DOCK8: variants seen among roughly 807,000 people sequenced by gnomAD.
The protein encoded by DOCK8 is dedicator of cytokinesis protein 8.
DOCK8 carries 141 observed loss-of-function variants against 245.6 expected under a neutral mutation model. The ratio of observed to expected loss-of-function variants is 0.57; its 90% CI spans 0.50 to 0.66. DOCK8 has a LOEUF of 0.66. DOCK8 is among the 30% of genes least tolerant of loss of function. The pLI is 0.00. For missense variants in DOCK8, 2,965 were observed against 2,603.4 expected (o/e 1.14, Z -3.02); for synonymous variants, 1,168 against 970.2 (o/e 1.20, Z -3.79).
chr9:451,031 C>T (rs559345715), intron 45 of DOCK8, among the ~76,000 whole-genome samples: 6 of 151,988 alleles, frequency 3.9e-5, no homozygotes, highest in South Asian at 2.1e-4. Context: ...TAATATTCGG[C>T]GCCAGGCTCA....
intron 1 of DOCK8, among the ~76,000 whole-genome samples, chr9:224,231 AT>A (rs1563819884): frequency 6.6e-6 from 1 of 152,164 alleles, no homozygotes; most frequent in Admixed American, 6.5e-5. Context: ...CCACTTACTC[AT>A]TTCCTGAAAT....
At chr9:214,315 G>A, upstream of DOCK8, 1 of 590,942 alleles carries the variant, frequency 1.7e-6, no homozygotes, top group South Asian at 2.2e-5. Context: ...AGGTTGTGAC[G>A]AAAACATTTT....
chr9:434,828 G>C lies in DOCK8; in HGVS notation c.4932G>C (p.Trp1644Cys). 1 of 1,614,138 alleles carries C rather than the reference G, an allele frequency of 6.2e-7. No individual in the cohort carries two copies. Among genetic ancestry groups the C allele is most frequent in the Non-Finnish European group, 8.5e-7 (1 of 1,180,048 alleles). The change falls in exon 39 of 48, where the codon TGG (tryptophan) becomes TGC (cysteine). Residue 1644 changes from tryptophan to cysteine, a missense_variant. By Grantham distance (215) the Trp-to-Cys change is radical. Around this residue, in one of 3 missense-constraint regions of DOCK8, gnomAD observed 2,825 missense variants for 2,453.5 expected, o/e 1.15. Transcript: ENST00000432829. Reference sequence around the variant, plus strand: ...CATCTCCTGATCTGCGGCTGACCTGGCTCCAGAACATGGCAGAGAAACACA... The same window carrying C: ...CATCTCCTGATCTGCGGCTGACCTGCCTCCAGAACATGGCAGAGAAACACA... The part of the protein sequence containing the change: ...YQASPDLRLT[W>C]LQNMAEKHTK...
chr9:372,224 T>A lies in DOCK8; in HGVS notation c.2047T>A (p.Ser683Thr). 6.2e-7 allele frequency: 1 copy of A among 1,614,188 alleles called. No homozygotes were observed. The highest frequency in any genetic ancestry group is 8.5e-7 in the Non-Finnish European group (1 of 1,180,028). Residue 683 changes from serine (S) to threonine (T), a missense_variant, in exon 18 of 48, where the codon TCC becomes ACC. Around this residue, in one of 3 missense-constraint regions of DOCK8, gnomAD observed 2,825 missense variants for 2,453.5 expected, o/e 1.15. Transcript: ENST00000432829. ...CTTAAATGAACGTCTTCAAACTGGA[T>A]CCTACTGTCTCCCAGTTGCCTTGGA... is the stretch of plus-strand genomic sequence containing the variant. ...ILLNERLQTG[S>T]YCLPVALEKL...
At chr9:233,615 C>G (rs1166677422) in intron 1 of DOCK8, among the ~76,000 whole-genome samples, 1 of 152,052 alleles carries the variant, frequency 6.6e-6, no homozygotes, top group African/African-American at 2.4e-5. Flanking sequence ...GGATAGTTAG[C>G]TCTTCTTGTT....
chr9:438,295 G>A (rs4740757), intron 39 of DOCK8, among the ~76,000 whole-genome samples: 88,975 of 151,720 alleles, frequency 0.59, 29,145 homozygotes, highest in East Asian at 0.95. Flanking sequence ...TCGAGACTAT[G>A]TCCAAGCTCT....
chr9:333,757 A>G (rs963022409), intron 10 of DOCK8, among the ~76,000 whole-genome samples: 1 of 152,036 alleles, frequency 6.6e-6, no homozygotes, highest in Non-Finnish European at 1.5e-5. Flanking sequence ...CCTTGGAAGT[A>G]TTGTAAACTT....
At chr9:423,151 G>A (rs1311016019) in intron 33 of DOCK8, among the ~76,000 whole-genome samples, 3 of 152,034 alleles carry the variant, frequency 2.0e-5, no homozygotes, top group African/African-American at 7.2e-5. Flanking sequence ...GTTTCCTACA[G>A]TAGATGTGTA....
chr9:264,168 G>C (rs151049363), intron 1 of DOCK8, among the ~76,000 whole-genome samples: 1 of 152,330 alleles, frequency 6.6e-6, no homozygotes, highest in Non-Finnish European at 1.5e-5. Flanking sequence ...AGGTGATTAT[G>C]CTGCTTCATC....
At chr9:256,603 G>C (rs1233725450) in intron 1 of DOCK8, among the ~76,000 whole-genome samples, 1 of 152,102 alleles carries the variant, frequency 6.6e-6, no homozygotes, top group East Asian at 1.9e-4. Flanking sequence ...GGTGGGGTCT[G>C]GGTACTTTTC....
chr9:328,154 A>G lies in DOCK8; in HGVS notation c.1027A>G (p.Ile343Val), dbSNP rs143696910. 1.4e-5 allele frequency: 23 copies of G among 1,614,068 alleles called. No homozygotes were observed. Among genetic ancestry groups the G allele is most frequent in the African/African-American group, 5.3e-5 (4 of 75,068 alleles). Residue 343 changes from isoleucine to valine, a missense_variant, in exon 9 of 48, where the codon ATC (isoleucine) becomes GTC (valine). Around this residue, in one of 3 missense-constraint regions of DOCK8, gnomAD observed 2,825 missense variants for 2,453.5 expected, o/e 1.15. Transcript: ENST00000432829. ...CTCAGTCACCTACCCGTCCTCAGAC[A>G]TCTACCTGGTAGTCAAGGTAATTCA... ...VFSVTYPSSD[I>V]YLVVKIEKVL...
chr9:319,197 C>G (rs554325097), intron 7 of DOCK8, among the ~76,000 whole-genome samples: 1 of 152,080 alleles, frequency 6.6e-6, no homozygotes, highest in Non-Finnish European at 1.5e-5. Context: ...GTGGAAGGAT[C>G]GCTTGAGGCC....
At chr9:346,205 G>C (rs773923438) in intron 14 of DOCK8, among the ~76,000 whole-genome samples, 1 of 152,110 alleles carries the variant, frequency 6.6e-6, no homozygotes, top group Non-Finnish European at 1.5e-5. Context: ...ATCCAAGCTT[G>C]GCGTTCCTTG....
At chr9:222,514 C>A (rs1409958639) in intron 1 of DOCK8, among the ~76,000 whole-genome samples, 1 of 152,170 alleles carries the variant, frequency 6.6e-6, no homozygotes, top group Non-Finnish European at 1.5e-5. Flanking sequence ...TCCCCACATT[C>A]ACACCCCCAC....
intron 27 of DOCK8, among the ~76,000 whole-genome samples, chr9:406,717 C>G (rs1237495404): frequency 6.6e-6 from 1 of 152,062 alleles, no homozygotes; most frequent in Admixed American, 6.6e-5. Context: ...TTTCATCTTT[C>G]CCGCTGGGCA....
rs7036567 is a variant in DOCK8, at chr9:432,330, C to A, written c.4785+6C>A. The stretch of plus-strand genomic sequence containing the variant: ...TGACTCCTTTTCCCACCCAGGTACA[C>A]CGAAGCACATACCTTGTCTCATGCA... On this transcript the variant is annotated splice_donor_region_variant and intron_variant, in intron 37 of 47. Coordinates refer to ENST00000432829, the MANE Select transcript of DOCK8 (RefSeq NM_203447.4). 2.5e-6 allele frequency: 4 copies of A among 1,613,654 alleles called. No individual in the cohort carries two copies. Among genetic ancestry groups the A allele is most frequent in the African/African-American group, 1.3e-5 (1 of 74,738 alleles).
chr9:433,142 C>A (rs2056776660), intron 37 of DOCK8, among the ~76,000 whole-genome samples: 1 of 152,248 alleles, frequency 6.6e-6, no homozygotes, highest in East Asian at 1.9e-4. Context: ...CTCATTTCAT[C>A]TTGACCATAC....
intron 5 of DOCK8, among the ~76,000 whole-genome samples, chr9:306,543 A>G (rs779400476): frequency 1.3e-4 from 20 of 152,204 alleles, no homozygotes; most frequent in Non-Finnish European, 2.8e-4. Context: ...GAGAACCAAA[A>G]GGGAAAAATG....
rs559092827 is a variant in DOCK8 at position 441,037 on chromosome 9, ATT to A, written c.5224-241_5224-240del. ...GCATGAGCCACTGCACTCAGCCAGT[ATT>A]TTTTTTTCCCCCGAAAGCTCTTCTC... On this transcript the variant is annotated intron_variant, in intron 40 of 47. Coordinates refer to ENST00000432829, the MANE Select transcript of DOCK8 (RefSeq NM_203447.4). Among the ~76,000 whole-genome samples, 5 of 151,520 alleles carry A rather than the reference ATT, an allele frequency of 3.3e-5. No individual in the cohort carries two copies. In the East Asian group the frequency reaches 9.7e-4, roughly 29 times the overall value.
Sources: allele counts gnomAD v4.1 joint callset (sites outside exome capture counted in the v4.1 genomes callset), GRCh38; gene constraint gnomAD v4.1.1; regional missense constraint gnomAD v4.1.1; transcripts MANE v1.5; gene names NCBI Gene and HGNC (gene_info 2026-07-23, HGNC 2026-07-21).